HSPD1: variants seen among roughly 807,000 people sequenced by gnomAD.
HSPD1 encodes the protein 60 kDa heat shock protein, mitochondrial.
Under a neutral mutation model 53.0 loss-of-function variants are expected in HSPD1, and 3 were observed. That is an observed-to-expected ratio of 0.06 (90% CI 0.03 to 0.15). The LOEUF (loss-of-function observed/expected upper bound fraction) is 0.15. Ranked by LOEUF, HSPD1 falls within the 10% of genes least tolerant of loss-of-function variation. HSPD1 has a pLI of 1.00. For synonymous variants in HSPD1, 200 were observed against 228.0 expected (o/e 0.88, Z 1.10); for missense variants, 431 against 694.1 (o/e 0.62, Z 4.26).
At chr2:197,493,556 G>C in intron 6 of HSPD1, 64 bp from the exon 7 acceptor site, 2 of 1,223,670 alleles carry the variant, frequency 1.6e-6, no homozygotes, top group South Asian at 2.5e-5. Context: ...TAAATGAAAA[G>C]CGAAACCAAG....
intron 9 of HSPD1, 87 bp from the exon 10 acceptor site, chr2:197,488,578 G>A: frequency 7.8e-7 from 1 of 1,281,748 alleles, no homozygotes; most frequent in Non-Finnish European, 1.1e-6. Context: ...TACTTAAAAA[G>A]CAATCCTGAG....
chr2:197,499,666 CGCGGT>C (rs1162877674), intron 1 of HSPD1, 111 bp downstream of exon 1: 1 of 152,114 alleles, frequency 6.6e-6, no homozygotes, highest in East Asian at 1.9e-4. Context: ...TGCGGTGCGG[CGCGGT>C]GCGGAACTCC....
chr2:197,498,686 T>C lies in HSPD1; in HGVS notation c.163A>G (p.Met55Val). Residue 55 changes from methionine (M) to valine (V), a missense_variant, in exon 2 of 12, where the codon ATG becomes GTG. Met to Val is a conservative substitution (Grantham distance 21, BLOSUM62 1). Coordinates refer to ENST00000388968, the MANE Select transcript of HSPD1 (RefSeq NM_002156.5). ...AAAAATACTGGTACCTTTGGCCCCA[T>C]TGTAACGGCCACAGCATCGGCTAAA... The part of the protein sequence containing the change: ...DLLADAVAVT[M>V]GPKGRTVIIE... The C allele has an allele frequency of 6.2e-7, 1 of 1,614,000 alleles. No homozygotes were observed. The highest frequency in any genetic ancestry group is 8.5e-7 in the Non-Finnish European group (1 of 1,179,866).
In HSPD1 at chr2:197,495,239, A is replaced by T. The variant is rs985413846; in HGVS notation, c.510+55T>A. On this transcript the variant is annotated intron_variant, in intron 4 of 11. Coordinates refer to ENST00000388968, the MANE Select transcript of HSPD1 (RefSeq NM_002156.5). ...TTGGTGTGATCAAGGGAAAAAAAAA[A>T]TCACACATGCCATTAAATTTTTTTT... The T allele has an allele frequency of 1.4e-4, 135 of 993,604 alleles. No individual in the cohort carries two copies. The African/African-American group carries it at 1.6e-3, about 12-fold the overall frequency. The allele number at this position is 993,604 out of a possible 1,614,324, so 61.5% of individuals were successfully genotyped here.
At chr2:197,494,461 G>T in intron 5 of HSPD1, 196 bp downstream of exon 5, 1 of 630,292 alleles carries the variant, frequency 1.6e-6, no homozygotes, top group Non-Finnish European at 2.8e-6. Context: ...ATTTCATGCA[G>T]CAAAGGCTAA....
chr2:197,491,619 G>T (rs1017889391), intron 7 of HSPD1, among the ~76,000 whole-genome samples: 2 of 152,160 alleles, frequency 1.3e-5, no homozygotes, highest in African/African-American at 4.8e-5. Context: ...GGAAAGAAAA[G>T]TCTTGCTTCT....
chr2:197,495,470 CCTTAA>C, intron 3 of HSPD1, 94 bp from the exon 4 acceptor site: 1 of 935,904 alleles, frequency 1.1e-6, no homozygotes, highest in Non-Finnish European at 1.7e-6. Flanking sequence ...TATTTTAATG[CCTTAA>C]CTTAAAAAAA....
At chr2:197,491,502 GAA>G (rs2086092343) in intron 7 of HSPD1, among the ~76,000 whole-genome samples, 1 of 152,086 alleles carries the variant, frequency 6.6e-6, no homozygotes, top group Non-Finnish European at 1.5e-5. Context: ...TCCAAGCTAA[GAA>G]AAACATTCCA....
chr2:197,500,261 G>A (rs2086231865), upstream of HSPD1: 1 of 786,750 alleles, frequency 1.3e-6, no homozygotes, highest in Admixed American at 2.6e-5. Flanking sequence ...GCGAATCGCG[G>A]TGCGCGTCGG....
In HSPD1 at chr2:197,486,659, C is replaced by T; in HGVS notation, c.*387G>A. The T allele has an allele frequency of 3.6e-6, 1 of 275,664 alleles. No individual in the cohort carries two copies. Among genetic ancestry groups the T allele is most frequent in the Admixed American group, 4.8e-5 (1 of 21,014 alleles). 17.1% of individuals were successfully genotyped at this position (275,664 alleles called of 1,614,324 possible). A position where few individuals can be genotyped will look rare whatever the true frequency, so the allele number is the denominator to read the frequency against. ...CTTCTCTACTTTGTACACAATTATT[C>T]TCACTCTCCACAGAAAGGCTGCTTA... On this transcript the variant is annotated 3_prime_UTR_variant, in exon 12 of 12. Transcript: ENST00000388968.
At position 197,498,812 on chromosome 2, in the gene HSPD1, G is replaced by A. The variant is rs2086195592; in HGVS notation, c.37C>T (p.Pro13Ser). 6.2e-7 allele frequency: 1 copy of A among 1,614,156 alleles called. No individual in the cohort carries two copies. Reference sequence around the variant, plus strand: ...TGAGGAGCCAGTACCCTGGACACCGGTCTCATCTGGCGAAAGACTGTGGGT... The same window carrying A: ...TGAGGAGCCAGTACCCTGGACACCGATCTCATCTGGCGAAAGACTGTGGGT... The part of the protein sequence containing the change: ...RLPTVFRQMR[P>S]VSRVLAPHLT... Residue 13 changes from proline to serine, a missense_variant, in exon 2 of 12, where the codon CCG becomes TCG. Pro to Ser is a moderately conservative substitution (Grantham distance 74, BLOSUM62 -1). Around this residue, in one of 2 missense-constraint regions of HSPD1, gnomAD observed 45 missense variants for 36.5 expected, o/e 1.23. Coordinates refer to ENST00000388968, the MANE Select transcript of HSPD1 (RefSeq NM_002156.5).
chr2:197,494,827 A>G (rs1433737040), intron 4 of HSPD1, 75 bp from the exon 5 acceptor site: 1 of 957,530 alleles, frequency 1.0e-6, no homozygotes, highest in Non-Finnish European at 1.7e-6. Flanking sequence ...ACCTTTTCCT[A>G]GTAACTTCCA....
chr2:197,500,164 G>A (rs2086229423), upstream of HSPD1: 2 of 550,412 alleles, frequency 3.6e-6, no homozygotes, highest in Non-Finnish European at 6.5e-6. Context: ...TTTCACCTCG[G>A]CTGGGCGCCT....
rs577985413 is a variant in HSPD1, at chr2:197,496,905, G to C, written c.427+235C>G. On this transcript the variant is annotated intron_variant, in intron 3 of 11. Coordinates refer to ENST00000388968, the MANE Select transcript of HSPD1 (RefSeq NM_002156.5). Reference sequence around the variant, plus strand: ...AGCCTGGGCTACAGAGCAAGACCCTGTCTCTAAAAACAAAAGAAACCAACT... The same window carrying C: ...AGCCTGGGCTACAGAGCAAGACCCTCTCTCTAAAAACAAAAGAAACCAACT... 21 of 532,082 alleles carry C rather than the reference G, an allele frequency of 3.9e-5. No individual in the cohort carries two copies. In the South Asian group the frequency reaches 4.2e-4, roughly 11 times the overall value. The allele number at this position is 532,082 out of a possible 1,614,324, so 33.0% of individuals were successfully genotyped here. A position where few individuals can be genotyped will look rare whatever the true frequency, so the allele number is the denominator to read the frequency against.
chr2:197,495,503 TGAGACAGGGTC>T, intron 3 of HSPD1, 127 bp from the exon 4 acceptor site: 4 of 662,292 alleles, frequency 6.0e-6, no homozygotes, highest in Non-Finnish European at 8.1e-6. Context: ...TTTTTTTTTT[TGAGACAGGGTC>T]TTGTTCTGCT....
chr2:197,490,911 A>G (rs894475887), intron 7 of HSPD1, among the ~76,000 whole-genome samples: 5 of 152,206 alleles, frequency 3.3e-5, no homozygotes, highest in Non-Finnish European at 5.9e-5. Flanking sequence ...ATGTTATACA[A>G]AAAGCTGACA....
intron 4 of HSPD1, 45 bp from the exon 5 acceptor site, chr2:197,494,797 T>A: frequency 7.9e-7 from 1 of 1,273,670 alleles, no homozygotes; most frequent in Non-Finnish European, 1.2e-6. Context: ...GTAAGCCTAG[T>A]GTCCTCAGTC....
At chr2:197,488,245 G>A (rs181063505) in intron 10 of HSPD1, 72 bp downstream of exon 10, 12 of 1,322,390 alleles carry the variant, frequency 9.1e-6, no homozygotes, top group Middle Eastern at 1.8e-4. Context: ...TTCCATTTAG[G>A]GGACTGCAAC....
At position 197,487,852 on chromosome 2, in the gene HSPD1, AT is replaced by A. The variant is rs1292688322; in HGVS notation, c.1569+5del. On this transcript the variant is annotated splice_donor_5th_base_variant and intron_variant, in intron 11 of 11. Transcript: ENST00000388968. ...AAGAATTTTTAGAAAGTGTTCAACC[AT>A]TTACCTTTGTTGGGTCAATGATTCC... The A allele has an allele frequency of 1.2e-6, 2 of 1,611,186 alleles. No individual in the cohort carries two copies. Among genetic ancestry groups the A allele is most frequent in the African/African-American group, 2.7e-5 (2 of 74,894 alleles).
Sources: allele counts gnomAD v4.1 joint callset (sites outside exome capture counted in the v4.1 genomes callset), GRCh38; gene constraint gnomAD v4.1.1; regional missense constraint gnomAD v4.1.1; transcripts MANE v1.5; gene names NCBI Gene and HGNC (gene_info 2026-07-23, HGNC 2026-07-21).